The following ZBBX variants were observed in gnomAD, a reference collection of about 807,000 sequenced individuals.
ZBBX encodes zinc finger B-box domain-containing protein 1.
ZBBX carries 101 observed loss-of-function variants against 108.5 expected under a neutral mutation model. That is an observed-to-expected ratio of 0.93 (90% CI 0.79 to 1.10). The LOEUF (loss-of-function observed/expected upper bound fraction) is 1.10, where lower values mean the gene tolerates loss of function less well. Ranked by LOEUF, ZBBX falls within the 50% of genes least tolerant of loss-of-function variation. The pLI is 0.00. For synonymous variants in ZBBX, 356 were observed against 323.4 expected, an observed-to-expected ratio of 1.10 and a Z score of -1.08; for missense variants, 1,009 against 941.4, an observed-to-expected ratio of 1.07 and a Z score of -0.94.
At chr3:167,254,644 T>C (rs1723156140) in intron 20 of ZBBX, among the ~76,000 whole-genome samples, 1 of 151,598 alleles carries the variant, frequency 6.6e-6, no homozygotes, top group Non-Finnish European at 1.5e-5. Flanking sequence ...AGAAAATAGG[T>C]TTCTCAGCAG....
chr3:167,277,543 A>C (rs894589824), intron 20 of ZBBX, among the ~76,000 whole-genome samples: 6 of 152,202 alleles, frequency 3.9e-5, no homozygotes, highest in African/African-American at 1.4e-4. Flanking sequence ...CAACAAGAAG[A>C]GCTAACTATC....
intron 18 of ZBBX, 27 bp downstream of exon 18, chr3:167,298,278 T>C (rs1732014694): frequency 3.8e-6 from 6 of 1,566,504 alleles, no homozygotes; most frequent in African/African-American, 2.8e-5. Flanking sequence ...GAACAGACTG[T>C]TTTAGAAAAA....
chr3:167,305,561 T>C, intron 17 of ZBBX, 82 bp downstream of exon 17: 1 of 1,085,576 alleles, frequency 9.2e-7, no homozygotes, highest in Non-Finnish European at 1.2e-6. Flanking sequence ...GGAAGTAACT[T>C]GAGAATGTAT....
chr3:167,398,489 C>T (rs1257005410), intron 1 of ZBBX, among the ~76,000 whole-genome samples: 1 of 151,764 alleles, frequency 6.6e-6, no homozygotes, highest in African/African-American at 2.4e-5. Context: ...GAATTATAGG[C>T]CTTAAATTAT....
chr3:167,210,525 T>A, the ZBBX span, among the ~76,000 whole-genome samples: 3 of 152,182 alleles, frequency 2.0e-5, no homozygotes, highest in East Asian at 5.8e-4. Context: ...ACTTTCCAAA[T>A]CTGGAGAAAG....
the ZBBX span, among the ~76,000 whole-genome samples, chr3:167,217,891 A>ATTTT: frequency 7.0e-6 from 1 of 141,864 alleles, no homozygotes; most frequent in Admixed American, 7.0e-5. Context: ...TGTTCTCACT[A>ATTTT]TTTTTTTTTT....
chr3:167,340,316 G>A (rs917297655), intron 9 of ZBBX, among the ~76,000 whole-genome samples: 3 of 151,950 alleles, frequency 2.0e-5, no homozygotes, highest in African/African-American at 7.2e-5. Flanking sequence ...GTTACACCAA[G>A]CAAATAAATT....
At position 167,280,786 on chromosome 3, in the gene ZBBX, T is replaced by C. The variant is rs1227525574; in HGVS notation, c.2254+1452A>G. 2.0e-5 allele frequency among the ~76,000 whole-genome samples: 3 copies of C among 152,046 alleles called. No individual in the cohort carries two copies. The South Asian group carries it at 6.3e-4, about 32-fold the overall frequency. On this transcript the variant is annotated intron_variant, in intron 20 of 21. Transcript: ENST00000675490. ...CCCAAAGGACTATAAATCATGCTGCTATAAAGACACATGCACATGTATGTT... is the reference window on the plus strand; with the variant it reads ...CCCAAAGGACTATAAATCATGCTGCCATAAAGACACATGCACATGTATGTT...
chr3:167,287,111 T>G (rs958279172), intron 19 of ZBBX, among the ~76,000 whole-genome samples: 2 of 152,088 alleles, frequency 1.3e-5, no homozygotes, highest in African/African-American at 4.8e-5. Flanking sequence ...TCATCTCTAT[T>G]TCTAAAAAAA....
chr3:167,237,921 T>C (rs982117302), downstream of ZBBX, among the ~76,000 whole-genome samples: 7 of 151,906 alleles, frequency 4.6e-5, no homozygotes, highest in Non-Finnish European at 1.0e-4. Flanking sequence ...TATGGCTGAA[T>C]ACACAAGAGA....
chr3:167,364,500 C>A (rs969989399), intron 6 of ZBBX, among the ~76,000 whole-genome samples: 4 of 151,900 alleles, frequency 2.6e-5, no homozygotes, highest in African/African-American at 4.8e-5. Flanking sequence ...CTTAGACAAG[C>A]CTGAGAGCTT....
intron 1 of ZBBX, among the ~76,000 whole-genome samples, chr3:167,404,803 C>A (rs1222891429): frequency 6.6e-6 from 1 of 152,060 alleles, no homozygotes; most frequent in Non-Finnish European, 1.5e-5. Context: ...CCTCTGGTGG[C>A]ATTGTCAAAA....
At chr3:167,194,668 G>C in the ZBBX span, among the ~76,000 whole-genome samples, 2 of 152,152 alleles carry the variant, frequency 1.3e-5, no homozygotes, top group Non-Finnish European at 2.9e-5. Context: ...GACTTGTTTG[G>C]TTTCCACTGT....
intron 5 of ZBBX, among the ~76,000 whole-genome samples, chr3:167,367,405 T>A (rs1418535083): frequency 6.6e-6 from 1 of 151,742 alleles, no homozygotes; most frequent in East Asian, 1.9e-4. Flanking sequence ...ACTAAAAACA[T>A]AATAAAGATC....
At chr3:167,401,719 C>T (rs942121752) in intron 1 of ZBBX, among the ~76,000 whole-genome samples, 1 of 152,076 alleles carries the variant, frequency 6.6e-6, no homozygotes. Flanking sequence ...ACTGTTTTAT[C>T]AGCAAGGTCT....
At chr3:167,283,536 T>A (rs982846306) in intron 19 of ZBBX, among the ~76,000 whole-genome samples, 1 of 152,214 alleles carries the variant, frequency 6.6e-6, no homozygotes, top group African/African-American at 2.4e-5. Context: ...CTATGCCATA[T>A]AACATTGTTC....
the ZBBX span, among the ~76,000 whole-genome samples, chr3:167,196,831 T>TA: frequency 0.06 from 9,139 of 151,326 alleles, 774 homozygotes; most frequent in African/African-American, 0.19. Flanking sequence ...TACCTGAGTT[T>TA]AAAAAAAAAT....
At chr3:167,223,129 C>T in the ZBBX span, among the ~76,000 whole-genome samples, 10,228 of 151,914 alleles carry the variant, frequency 0.067, 440 homozygotes, top group Admixed American at 0.096. Flanking sequence ...TCTTCCTGAC[C>T]TGTCAGTCAC....
At chr3:167,307,802 C>CA (rs1733914480) in intron 16 of ZBBX, among the ~76,000 whole-genome samples, 1 of 152,108 alleles carries the variant, frequency 6.6e-6, no homozygotes, top group African/African-American at 2.4e-5. Flanking sequence ...ATACCATATA[C>CA]AAAAATTAAC....
Sources: allele counts gnomAD v4.1 joint callset (sites outside exome capture counted in the v4.1 genomes callset), GRCh38; gene constraint gnomAD v4.1.1; transcripts MANE v1.5; gene names NCBI Gene and HGNC (gene_info 2026-07-23, HGNC 2026-07-21).